RDH13: variants seen among roughly 807,000 people sequenced by gnomAD.
RDH13 encodes the protein retinol dehydrogenase 13 (all-trans and 9-cis).
In RDH13, 35 loss-of-function variants were observed where a neutral mutation model predicts 28.3. That is an observed-to-expected ratio of 1.24 (90% CI 0.95 to 1.64). The LOEUF (loss-of-function observed/expected upper bound fraction) is 1.64, where lower values mean the gene tolerates loss of function less well. Among genes scored for constraint, RDH13 ranks in the 40% most tolerant of loss-of-function variants. The pLI is 0.00. For missense variants in RDH13, 514 were observed against 446.3 expected (o/e 1.15, Z -1.37); for synonymous variants, 229 against 198.5 (o/e 1.15, Z -1.29).
At chr19:55,047,247 G>A in intron 6 of RDH13, 140 bp downstream of exon 6, 3 of 1,449,970 alleles carry the variant, frequency 2.1e-6, no homozygotes, top group South Asian at 2.8e-5. Flanking sequence ...AGGGACCTGT[G>A]CTCTGTGCCT....
In RDH13 at chr19:55,063,017, G is replaced by A. The variant is rs1198660008; in HGVS notation, c.16C>T (p.Leu6=). ...ACCGTGCCCAGCGCCGACAGCGGCA[G>A]CAGGTAGCGGCTCATGCCGGGCCGG... MSRYL[L]PLSALGTVAG... Residue 6 remains leucine (L), a synonymous_variant, in exon 1 of 7, where the codon CTG becomes TTG. Coordinates refer to ENST00000415061, the MANE Select transcript of RDH13 (RefSeq NM_001145971.2). 8 of 1,455,532 alleles carry A rather than the reference G, an allele frequency of 5.5e-6. No homozygotes were observed. Among genetic ancestry groups the A allele is most frequent in the Non-Finnish European group, 6.3e-6 (7 of 1,106,036 alleles). The allele number at this position is 1,455,532 out of a possible 1,614,324, so 90.2% of individuals were successfully genotyped here. A position where few individuals can be genotyped will look rare whatever the true frequency, so the allele number is the denominator to read the frequency against.
intron 3 of RDH13, chr19:55,050,575 A>G (rs1450183638): frequency 6.6e-6 from 1 of 152,236 alleles, no homozygotes; most frequent in East Asian, 1.9e-4. Context: ...GGCATGCGCC[A>G]CCATGCCCAG....
chr19:55,068,041 TTC>T (rs368047352), upstream of RDH13, among the ~76,000 whole-genome samples: 22 of 143,582 alleles, frequency 1.5e-4, no homozygotes, highest in African/African-American at 3.1e-4. Flanking sequence ...CTGTGTCTCC[TTC>T]TCTCTCTCTC....
At chr19:55,043,359 C>G (rs2075094285), downstream of RDH13, 2 of 152,264 alleles carry the variant, frequency 1.3e-5, no homozygotes, top group Admixed American at 6.6e-5. Context: ...TGCACTCCAG[C>G]CTTGGCAACA....
chr19:55,058,093 G>A (rs1404964175), intron 2 of RDH13, among the ~76,000 whole-genome samples: 1 of 151,906 alleles, frequency 6.6e-6, no homozygotes, highest in Non-Finnish European at 1.5e-5. Context: ...CCATTTTTAA[G>A]TGTCCAGTTC....
intron 3 of RDH13, among the ~76,000 whole-genome samples, chr19:55,050,030 C>T (rs982813832): frequency 2.6e-5 from 4 of 151,550 alleles, no homozygotes; most frequent in Non-Finnish European, 5.9e-5. Flanking sequence ...CTATGTTGCC[C>T]AGGCTGGTCT....
intron 3 of RDH13, among the ~76,000 whole-genome samples, chr19:55,054,226 C>T (rs2075558317): frequency 6.6e-6 from 1 of 152,190 alleles, no homozygotes; most frequent in Non-Finnish European, 1.5e-5. Context: ...TGTTCATTTC[C>T]TGAGTACCCG....
In RDH13 at chr19:55,049,721, A is replaced by G. The variant is rs188328774; in HGVS notation, c.341-958T>C. Among the ~76,000 whole-genome samples, 1,145 of 151,396 alleles carry G rather than the reference A, an allele frequency of 7.6e-3. 5 individuals are homozygous for G. Among genetic ancestry groups the G allele is most frequent in the Non-Finnish European group, 0.012 (840 of 67,898 alleles). ...GGAAAATCGCTTGAAACCAGGAGGC[A>G]GAGGGTGCAGTGAGCCGAGATCGCA... On this transcript the variant is annotated intron_variant, in intron 3 of 6. Coordinates refer to ENST00000415061, the MANE Select transcript of RDH13 (RefSeq NM_001145971.2).
chr19:55,060,586 C>T (rs2075779584), intron 1 of RDH13, among the ~76,000 whole-genome samples: 1 of 152,178 alleles, frequency 6.6e-6, no homozygotes, highest in African/African-American at 2.4e-5. Flanking sequence ...GTCCCCTGGG[C>T]CCACTGTTGT....
downstream of RDH13, among the ~76,000 whole-genome samples, chr19:55,040,161 TGTTTTTTG>T (rs977181139): frequency 2.2e-4 from 33 of 151,940 alleles, no homozygotes; most frequent in African/African-American, 5.6e-4. Flanking sequence ...GACTGTTTTT[TGTTTTTTG>T]GTTTTTTGAG....
At chr19:55,049,963 T>C (rs1373798958) in intron 3 of RDH13, among the ~76,000 whole-genome samples, 6 of 142,200 alleles carry the variant, frequency 4.2e-5, no homozygotes, top group African/African-American at 1.1e-4. Flanking sequence ...TGGAGCTGTC[T>C]CTTTTTTTTT....
rs1038020598 is a variant in RDH13, at chr19:55,048,774, G to T, written c.341-11C>A. ...CCACTCGCTCCTCCTCTGGAAGAGA[G>T]GGGTGGAGGAGGAGACATCCCGGTG... is the stretch of plus-strand genomic sequence containing the variant. On this transcript the variant is annotated splice_polypyrimidine_tract_variant and intron_variant, in intron 3 of 6. Transcript: ENST00000415061. The T allele has an allele frequency of 2.5e-6, 4 of 1,611,200 alleles. No individual in the cohort carries two copies. Among genetic ancestry groups the T allele is most frequent in the Non-Finnish European group, 3.4e-6 (4 of 1,177,664 alleles).
chr19:55,045,176 GGGGGCC>G lies in RDH13; in HGVS notation c.888_893del (p.Ala297_Pro298del), dbSNP rs746599299. ...GGGCCACCTCCTCATCCTCAGCCTC[GGGGGCC>G]GGGGCCTTCTGTTTGAGTCCATCGA... On this transcript the variant is annotated inframe_deletion, in exon 7 of 7. Transcript: ENST00000415061. 17 of 1,613,476 alleles carry G rather than the reference GGGGGCC, an allele frequency of 1.1e-5. No homozygotes were observed. The South Asian group carries it at 1.6e-4, about 16-fold the overall frequency.
chr19:55,053,749 T>C (rs1415338152), intron 3 of RDH13: 1 of 151,874 alleles, frequency 6.6e-6, no homozygotes, highest in Admixed American at 6.6e-5. Context: ...AGAGGAGGCA[T>C]CACCTGCCCA....
chr19:55,054,000 A>G (rs1410389049), intron 3 of RDH13: 1 of 152,142 alleles, frequency 6.6e-6, no homozygotes, highest in East Asian at 1.9e-4. Flanking sequence ...CCTCTCACCT[A>G]CCCGACAACA....
chr19:55,052,105 C>A (rs535483858), intron 3 of RDH13, among the ~76,000 whole-genome samples: 3 of 147,390 alleles, frequency 2.0e-5, no homozygotes, highest in African/African-American at 7.5e-5. Context: ...GGTCTCACCC[C>A]GAGTGCAGTG....
At chr19:55,041,232 G>T (rs1385144501), downstream of RDH13, 1 of 152,324 alleles carries the variant, frequency 6.6e-6, no homozygotes, top group African/African-American at 2.4e-5. Context: ...ACCGACCTCA[G>T]CCTCCCAAAG....
intron 3 of RDH13, among the ~76,000 whole-genome samples, chr19:55,049,225 G>A (rs921704058): frequency 2.0e-5 from 3 of 152,138 alleles, no homozygotes; most frequent in African/African-American, 7.2e-5. Flanking sequence ...ACACTCACAC[G>A]CCCTCCGCAC....
chr19:55,068,672 A>T (rs2076001586), intron 1 of RDH13: 2 of 120,254 alleles, frequency 1.7e-5, no homozygotes, highest in Non-Finnish European at 3.6e-5. Flanking sequence ...CGTCTCTATT[A>T]AAAATACAAA....
Sources: allele counts gnomAD v4.1 joint callset (sites outside exome capture counted in the v4.1 genomes callset), GRCh38; gene constraint gnomAD v4.1.1; transcripts MANE v1.5; gene names NCBI Gene and HGNC (gene_info 2026-07-23, HGNC 2026-07-21).